The following WWC1 variants were observed in gnomAD, a reference collection of about 807,000 sequenced individuals.
WWC1 encodes protein KIBRA.
In WWC1, 55 loss-of-function variants were observed where a neutral mutation model predicts 138.4. The observed-to-expected ratio is 0.40, with a 90% CI of 0.32 to 0.50. WWC1 has a LOEUF of 0.50. Ranked by LOEUF, WWC1 falls within the 20% of genes least tolerant of loss-of-function variation. The pLI is 0.72. For missense variants in WWC1, 1,226 were observed against 1,420.4 expected, an observed-to-expected ratio of 0.86 and a Z score of 2.20; for synonymous variants, 524 against 564.9, an observed-to-expected ratio of 0.93 and a Z score of 1.03.
At chr5:168,367,392 C>T (rs1209687713) in intron 1 of WWC1, among the ~76,000 whole-genome samples, 1 of 151,602 alleles carries the variant, frequency 6.6e-6, no homozygotes, top group Non-Finnish European at 1.5e-5. Context: ...AGTGCAGTGG[C>T]GGGATCTCGG....
At chr5:168,406,453 G>C in intron 6 of WWC1, 126 bp downstream of exon 6, 1 of 1,412,100 alleles carries the variant, frequency 7.1e-7, no homozygotes. Context: ...AGTCTTCCTG[G>C]GGTTTTGGTT....
chr5:168,366,888 C>T (rs1303199768), intron 1 of WWC1, among the ~76,000 whole-genome samples: 2 of 149,792 alleles, frequency 1.3e-5, no homozygotes, highest in Non-Finnish European at 1.5e-5. Flanking sequence ...GCCTCCGCCT[C>T]CCAGGTTCAA....
At chr5:168,341,430 A>G (rs754105741) in intron 1 of WWC1, among the ~76,000 whole-genome samples, 2 of 152,166 alleles carry the variant, frequency 1.3e-5, no homozygotes, top group Non-Finnish European at 2.9e-5. Context: ...ACAAGGCTCC[A>G]TGGATAATGG....
chr5:168,426,558 G>C (rs1183488606), intron 11 of WWC1, among the ~76,000 whole-genome samples: 1 of 152,230 alleles, frequency 6.6e-6, no homozygotes, highest in East Asian at 1.9e-4. Flanking sequence ...CAGGTTATGT[G>C]ATTAGTGCCG....
At chr5:168,465,510 A>C (rs1487438440) in intron 21 of WWC1, among the ~76,000 whole-genome samples, 1 of 140,022 alleles carries the variant, frequency 7.1e-6, no homozygotes, top group Non-Finnish European at 1.5e-5. Context: ...ATATAACCTC[A>C]AAATGGTGTT....
chr5:168,431,495 T>TGGCTGACC, intron 15 of WWC1, 51 bp downstream of exon 15: 1 of 1,533,040 alleles, frequency 6.5e-7, no homozygotes, highest in Middle Eastern at 1.8e-4. Flanking sequence ...GCTGGCTGGC[T>TGGCTGACC]GGCTGGCTGA....
At chr5:168,418,193 A>G (rs1033832308) in intron 9 of WWC1, among the ~76,000 whole-genome samples, 2 of 152,170 alleles carry the variant, frequency 1.3e-5, no homozygotes, top group Non-Finnish European at 2.9e-5. Flanking sequence ...GGCCGACTGC[A>G]GGACCTGCCA....
chr5:168,293,176 T>C (rs945022629), intron 1 of WWC1, among the ~76,000 whole-genome samples: 1 of 152,172 alleles, frequency 6.6e-6, no homozygotes, highest in Non-Finnish European at 1.5e-5. Context: ...TCCTGGTTGT[T>C]TGGCATTTCT....
chr5:168,354,797 A>C (rs930467661), intron 1 of WWC1, among the ~76,000 whole-genome samples: 46 of 152,006 alleles, frequency 3.0e-4, no homozygotes, highest in Non-Finnish European at 1.9e-4. Flanking sequence ...GAGAGCATTG[A>C]GCTTCCAGAG....
intron 16 of WWC1, 88 bp from the exon 17 acceptor site, chr5:168,444,406 G>C (rs1755050775): frequency 7.7e-7 from 1 of 1,292,268 alleles, no homozygotes; most frequent in Non-Finnish European, 1.1e-6. Flanking sequence ...TTCACTGGGA[G>C]GGTCACAGCT....
intron 1 of WWC1, among the ~76,000 whole-genome samples, chr5:168,360,923 T>C (rs1775833171): frequency 6.6e-6 from 1 of 152,248 alleles, no homozygotes; most frequent in East Asian, 1.9e-4. Flanking sequence ...ATGAGGCTTC[T>C]AGACAGCCCA....
chr5:168,307,978 C>T (rs1770733565), intron 1 of WWC1, among the ~76,000 whole-genome samples: 1 of 152,144 alleles, frequency 6.6e-6, no homozygotes, highest in African/African-American at 2.4e-5. Context: ...GTATGAAAGG[C>T]TTCGTGAGAA....
chr5:168,395,414 G>A (rs1778824154), intron 3 of WWC1, among the ~76,000 whole-genome samples: 1 of 152,222 alleles, frequency 6.6e-6, no homozygotes, highest in African/African-American at 2.4e-5. Flanking sequence ...CAGTGAGTGA[G>A]AAATGGTGTT....
At chr5:168,325,352 G>C (rs952158206) in intron 1 of WWC1, among the ~76,000 whole-genome samples, 1 of 152,202 alleles carries the variant, frequency 6.6e-6, no homozygotes, top group Non-Finnish European at 1.5e-5. Context: ...TGGGGTCCTG[G>C]AGTGGTGGAT....
intron 1 of WWC1, among the ~76,000 whole-genome samples, chr5:168,341,022 A>T (rs1773994485): frequency 6.6e-6 from 1 of 152,226 alleles, no homozygotes; most frequent in Admixed American, 6.5e-5. Flanking sequence ...GCTTCCTTAT[A>T]GCAGCTACTG....
chr5:168,305,112 C>T (rs1770429759), intron 1 of WWC1, among the ~76,000 whole-genome samples: 1 of 150,118 alleles, frequency 6.7e-6, no homozygotes, highest in African/African-American at 2.5e-5. Context: ...GCATGAGCCA[C>T]TGTGCCTGGC....
intron 20 of WWC1, among the ~76,000 whole-genome samples, chr5:168,461,500 G>T (rs1346081311): frequency 6.6e-6 from 1 of 152,188 alleles, no homozygotes; most frequent in Non-Finnish European, 1.5e-5. Context: ...AAGTGCAAAT[G>T]GGCTTCCCTC....
chr5:168,389,170 C>T (rs1778272561), intron 3 of WWC1, among the ~76,000 whole-genome samples: 1 of 151,928 alleles, frequency 6.6e-6, no homozygotes, highest in African/African-American at 2.4e-5. Flanking sequence ...AGTAGGAGGC[C>T]AGGTGTGGTG....
intron 2 of WWC1, among the ~76,000 whole-genome samples, chr5:168,375,170 G>T (rs1288132733): frequency 6.6e-6 from 1 of 152,154 alleles, no homozygotes; most frequent in African/African-American, 2.4e-5. Context: ...CATATAGCTA[G>T]TATGTAAAGA....
Sources: gnomAD v4.1 joint callset for allele counts (sites outside exome capture counted in the v4.1 genomes callset) on GRCh38, gnomAD v4.1.1 for gene constraint, MANE v1.5 for transcripts, NCBI Gene and HGNC (gene_info 2026-07-23, HGNC 2026-07-21) for gene names.